The following INTS4 variants were observed in gnomAD, a reference collection of about 807,000 sequenced individuals.
INTS4 encodes the protein integrator complex subunit 4, also known as MSTP093.
A neutral mutation model predicts 119.5 loss-of-function variants in INTS4; 70 were observed. That is an observed-to-expected ratio of 0.59 (90% CI 0.48 to 0.71). The LOEUF is 0.71. Ranked by LOEUF, INTS4 falls within the 30% of genes least tolerant of loss-of-function variation. INTS4 has a pLI of 0.00. For missense variants in INTS4, 867 were observed against 1,173.2 expected, an observed-to-expected ratio of 0.74 and a Z score of 3.81; for synonymous variants, 316 against 419.6, an observed-to-expected ratio of 0.75 and a Z score of 3.02.
At position 77,882,421 on chromosome 11, in the gene INTS4, C is replaced by T. The variant is rs139801754; in HGVS notation, c.2713+1411G>A. The stretch of plus-strand genomic sequence containing the variant: ...AGTCAGACCCTCTCAAGACCTTCCA[C>T]GATCTTTGGAGCTACAGCATACTGT... On this transcript the variant is annotated intron_variant, in intron 22 of 22. Coordinates refer to ENST00000534064, the MANE Select transcript of INTS4 (RefSeq NM_033547.4). 1.3e-3 allele frequency among the ~76,000 whole-genome samples: 205 copies of T among 152,178 alleles called. 1 individual carries two copies. The highest frequency in any genetic ancestry group is 3.3e-3 in the African/African-American group (136 of 41,512).
chr11:77,878,514 A>G (rs117399070), downstream of INTS4, among the ~76,000 whole-genome samples: 59 of 152,354 alleles, frequency 3.9e-4, no homozygotes, highest in East Asian at 0.011. Context: ...GGTAAAAAAA[A>G]AAAGTACAGC....
intron 21 of INTS4, among the ~76,000 whole-genome samples, chr11:77,888,671 C>T (rs1363041441): frequency 3.3e-5 from 5 of 152,082 alleles, no homozygotes; most frequent in African/African-American, 1.2e-4. Flanking sequence ...TCGTAACCTA[C>T]TCATCTGACA....
At chr11:77,893,450 A>G (rs116764878) in intron 19 of INTS4, among the ~76,000 whole-genome samples, 19,350 of 149,216 alleles carry the variant, frequency 0.13, 1,386 homozygotes, top group Admixed American at 0.2. Flanking sequence ...TAAAAAAAAT[A>G]TATTAAAAAT....
intron 21 of INTS4, among the ~76,000 whole-genome samples, chr11:77,889,824 A>G (rs949398432): frequency 1.6e-4 from 24 of 152,202 alleles, no homozygotes; most frequent in Admixed American, 7.9e-4. Flanking sequence ...TAAAAGGTTT[A>G]GCCTTGCGTG....
chr11:77,952,655 G>A (rs1338127429), intron 8 of INTS4, among the ~76,000 whole-genome samples: 1 of 152,086 alleles, frequency 6.6e-6, no homozygotes, highest in Non-Finnish European at 1.5e-5. Flanking sequence ...ATTTGAAGCT[G>A]TTCAGATTTA....
chr11:77,956,774 T>C (rs1222010692), intron 7 of INTS4, among the ~76,000 whole-genome samples: 4 of 146,874 alleles, frequency 2.7e-5, no homozygotes, highest in Admixed American at 2.1e-4. Context: ...AATAAATACA[T>C]AAGTAAGTAA....
intron 8 of INTS4, among the ~76,000 whole-genome samples, chr11:77,943,651 G>C (rs938127616): frequency 5.9e-5 from 9 of 152,142 alleles, no homozygotes. Flanking sequence ...GATTAAGATG[G>C]AATCTCTCCA....
intron 12 of INTS4, 159 bp from the exon 13 acceptor site, chr11:77,922,630 T>C (rs1293949627): frequency 2.0e-6 from 2 of 984,908 alleles, no homozygotes; most frequent in Non-Finnish European, 3.0e-6. Flanking sequence ...CCAGTTATTC[T>C]GGAACTCGGT....
At chr11:77,896,508 C>T (rs1445883889) in intron 18 of INTS4, among the ~76,000 whole-genome samples, 3 of 151,952 alleles carry the variant, frequency 2.0e-5, no homozygotes, top group Admixed American at 6.6e-5. Flanking sequence ...CAAAATTAGC[C>T]GGGTACAGTG....
chr11:77,933,221 T>TC (rs1953699580), intron 10 of INTS4, among the ~76,000 whole-genome samples: 1 of 150,464 alleles, frequency 6.6e-6, no homozygotes, highest in Admixed American at 6.6e-5. Flanking sequence ...CATCCCCCTC[T>TC]CCCCACAGTC....
chr11:77,979,092 TTGA>T lies in INTS4; in HGVS notation c.372_374del (p.His124del), dbSNP rs1306248388. The T allele has an allele frequency of 6.2e-7, 1 of 1,603,412 alleles. No individual in the cohort carries two copies. Among genetic ancestry groups the T allele is most frequent in the Admixed American group, 1.7e-5 (1 of 59,936 alleles). On this transcript the variant is annotated inframe_deletion, in exon 4 of 23. Coordinates refer to ENST00000534064, the MANE Select transcript of INTS4 (RefSeq NM_033547.4). ...AAGTATCCAGCAGTTGAGCTAGGACTTGATGAGACTCTAGAGAGGGAGATAGAA... is the reference window on the plus strand; with the variant it reads ...AAGTATCCAGCAGTTGAGCTAGGACTTGAGACTCTAGAGAGGGAGATAGAA...
intron 22 of INTS4, among the ~76,000 whole-genome samples, chr11:77,881,585 C>T (rs1951793285): frequency 6.6e-6 from 1 of 152,200 alleles, no homozygotes. Context: ...TACTAATTTC[C>T]ACTGCAGAGT....
chr11:77,955,244 G>T (rs1954289535), intron 8 of INTS4, among the ~76,000 whole-genome samples: 1 of 152,178 alleles, frequency 6.6e-6, no homozygotes, highest in Non-Finnish European at 1.5e-5. Context: ...GGCTGAGGTG[G>T]AAGGATTGCT....
intron 13 of INTS4, 99 bp downstream of exon 13, chr11:77,922,251 GAAAAGC>G: frequency 7.8e-7 from 1 of 1,280,436 alleles, no homozygotes; most frequent in Non-Finnish European, 1.0e-6. Context: ...AAAAAAGAAA[GAAAAGC>G]AAAGAAAAGA....
intron 18 of INTS4, among the ~76,000 whole-genome samples, chr11:77,899,674 G>GA (rs1209388666): frequency 6.2e-4 from 86 of 137,756 alleles, no homozygotes; most frequent in African/African-American, 2.1e-3. Flanking sequence ...TTGTCTAAAA[G>GA]AAAAAAAAAA....
At chr11:77,981,173 A>C (rs1856196540) in intron 3 of INTS4, among the ~76,000 whole-genome samples, 2 of 143,340 alleles carry the variant, frequency 1.4e-5, no homozygotes, top group Admixed American at 1.4e-4. Flanking sequence ...CCTGCCTCAA[A>C]ACAAAAAACA....
chr11:77,879,078 A>G lies in INTS4; in HGVS notation c.2763T>C (p.Ala921=), dbSNP rs1565218100. 1 of 1,614,204 alleles carries G rather than the reference A, an allele frequency of 6.2e-7. No individual in the cohort carries two copies. Among genetic ancestry groups the G allele is most frequent in the East Asian group, 2.2e-5 (1 of 44,894 alleles). ...CCATCCAGGGGCATTTTGGAATGCGAGCACTGGAGTTGTAGGCCAGCAGCA... is the reference window on the plus strand; with the variant it reads ...CCATCCAGGGGCATTTTGGAATGCGGGCACTGGAGTTGTAGGCCAGCAGCA... ...VRLLLAYNSS[A]RIPKCPWMEG... is the part of the protein sequence containing the mutation. Residue 921 remains alanine (A), a synonymous_variant, in exon 23 of 23, where the codon GCT becomes GCC. Coordinates refer to ENST00000534064, the MANE Select transcript of INTS4 (RefSeq NM_033547.4).
At chr11:77,951,404 A>C (rs1954192164) in intron 8 of INTS4, among the ~76,000 whole-genome samples, 4 of 152,194 alleles carry the variant, frequency 2.6e-5, no homozygotes, top group Admixed American at 2.6e-4. Flanking sequence ...CAAAAACAAG[A>C]AATGGGGAAA....
At chr11:77,974,225 T>C (rs1307770249) in intron 4 of INTS4, among the ~76,000 whole-genome samples, 2 of 144,474 alleles carry the variant, frequency 1.4e-5, no homozygotes, top group Non-Finnish European at 3.0e-5. Context: ...TATTGGTATA[T>C]AATTTTTCTT....
Sources: allele counts gnomAD v4.1 joint callset (sites outside exome capture counted in the v4.1 genomes callset), GRCh38; gene constraint gnomAD v4.1.1; transcripts MANE v1.5; gene names NCBI Gene and HGNC (gene_info 2026-07-23, HGNC 2026-07-21).